Variants in BRIP1 observed in about 807,000 individuals in gnomAD.
BRIP1 encodes the protein BRCA1 interacting DNA helicase 1.
A neutral mutation model predicts 119.7 loss-of-function variants in BRIP1; 88 were observed. The observed-to-expected ratio is 0.74, with a 90% CI of 0.62 to 0.88. The LOEUF is 0.88. BRIP1 is among the 40% of genes least tolerant of loss of function. BRIP1 has a pLI of 0.00. For synonymous variants in BRIP1, 443 were observed against 496.5 expected (o/e 0.89, Z 1.43); for missense variants, 1,259 against 1,455.4 (o/e 0.87, Z 2.20).
At position 61,774,158 on chromosome 17, in the gene BRIP1, C is replaced by T. The variant is rs916017277; in HGVS notation, c.2097+2243G>A. Among the ~76,000 whole-genome samples, 1 of 152,092 alleles carries T rather than the reference C, an allele frequency of 6.6e-6. No individual in the cohort carries two copies. The highest frequency in any genetic ancestry group is 1.5e-5 in the Non-Finnish European group (1 of 68,006). The stretch of plus-strand genomic sequence containing the variant: ...ATACGTATATTTATTGCAGCCTATT[C>T]ACAATAGCAAAGACTTGGAACCAAC... On this transcript the variant is annotated intron_variant, in intron 14 of 19. Coordinates refer to ENST00000259008, the MANE Select transcript of BRIP1 (RefSeq NM_032043.3). This position sits in a 1 kb window ranked among gnomAD's most constrained non-coding sequence, Gnocchi z 5.8.
At chr17:61,785,002 T>G (rs2077684346) in intron 10 of BRIP1, among the ~76,000 whole-genome samples, 1 of 152,170 alleles carries the variant, frequency 6.6e-6, no homozygotes, top group Admixed American at 6.5e-5. Flanking sequence ...GATTGCCATA[T>G]TAGCAAAATT....
rs998081204 is a variant in BRIP1, at chr17:61,825,224, G to A, written c.628-16467C>T. Among the ~76,000 whole-genome samples the A allele has an allele frequency of 1.3e-5, 2 of 151,886 alleles. No homozygotes were observed. The highest frequency in any genetic ancestry group is 2.9e-5 in the Non-Finnish European group (2 of 67,982). ...GGCGTGAACCTGGGAGGCGGAGCTT[G>A]CAGTGACCCAAGATTGTGCCACTGC... On this transcript the variant is annotated intron_variant, in intron 6 of 19. Coordinates refer to ENST00000259008, the MANE Select transcript of BRIP1 (RefSeq NM_032043.3). The surrounding 1 kb of genome is among the most constrained non-coding windows in gnomAD (Gnocchi z 4.1).
Position 61,793,740 on chromosome 17 carries a change from A to G in BRIP1, c.1341-11T>C. The G allele has an allele frequency of 1.2e-6, 2 of 1,607,240 alleles. No individual in the cohort carries two copies. Among genetic ancestry groups the G allele is most frequent in the Non-Finnish European group, 1.7e-6 (2 of 1,178,002 alleles). Reference sequence around the variant, plus strand: ...TTTGCTTCTAACCAACTGAAATAAAATAAAACAATTGTGTCAACCAGTATC... The same window carrying G: ...TTTGCTTCTAACCAACTGAAATAAAGTAAAACAATTGTGTCAACCAGTATC... On this transcript the variant is annotated splice_polypyrimidine_tract_variant and intron_variant, in intron 9 of 19. Coordinates refer to ENST00000259008, the MANE Select transcript of BRIP1 (RefSeq NM_032043.3). The surrounding 1 kb of genome is among the most constrained non-coding windows in gnomAD (Gnocchi z 5.2).
Position 61,704,847 on chromosome 17 carries a change from G to A in BRIP1, c.2492+11104C>T, listed in dbSNP as rs963940807. ...TCTTTTATTCCTGATATTAGTAACT[G>A]TGGCTTCTCTTTTTTTTCTTTGTTA... On this transcript the variant is annotated intron_variant, in intron 17 of 19. Transcript: ENST00000259008. The surrounding 1 kb of genome is among the most constrained non-coding windows in gnomAD (Gnocchi z 5.7). Among the ~76,000 whole-genome samples the A allele has an allele frequency of 6.6e-6, 1 of 152,060 alleles. No individual in the cohort carries two copies. The highest frequency in any genetic ancestry group is 2.4e-5 in the African/African-American group (1 of 41,418).
Position 61,860,337 on chromosome 17 carries a change from C to A in BRIP1, c.94-430G>T, listed in dbSNP as rs1038623436. Among the ~76,000 whole-genome samples the A allele has an allele frequency of 2.0e-5, 3 of 152,184 alleles. No homozygotes were observed. Among genetic ancestry groups the A allele is most frequent in the Non-Finnish European group, 4.4e-5 (3 of 68,016 alleles). ...GCAAGTCCAGTTCTATGTGTACACC[C>A]AAAACCTTTCCCACATGAACACAAG... On this transcript the variant is annotated intron_variant, in intron 2 of 19. Transcript: ENST00000259008. The surrounding 1 kb of genome is among the most constrained non-coding windows in gnomAD (Gnocchi z 4.1).
At position 61,804,973 on chromosome 17, in the gene BRIP1, T is replaced by C. The variant is rs1250038372; in HGVS notation, c.918+3494A>G. Among the ~76,000 whole-genome samples, 1 of 150,762 alleles carries C rather than the reference T, an allele frequency of 6.6e-6. No homozygotes were observed. The highest frequency in any genetic ancestry group is 1.5e-5 in the Non-Finnish European group (1 of 67,492). Reference sequence around the variant, plus strand: ...CTCTTTCTGTGTGTGTGTGTGTGTGTGTGTGTGTGTGTGTGTGTGTGTGTG... The same window carrying C: ...CTCTTTCTGTGTGTGTGTGTGTGTGCGTGTGTGTGTGTGTGTGTGTGTGTG... On this transcript the variant is annotated intron_variant, in intron 7 of 19. Transcript: ENST00000259008. The surrounding 1 kb of genome is among the most constrained non-coding windows in gnomAD (Gnocchi z 4.5).
In BRIP1 at chr17:61,804,625, G is replaced by A. The variant is rs1209258871; in HGVS notation, c.919-3151C>T. Among the ~76,000 whole-genome samples the A allele has an allele frequency of 6.6e-6, 1 of 151,944 alleles. No homozygotes were observed. Among genetic ancestry groups the A allele is most frequent in the Admixed American group, 6.6e-5 (1 of 15,260 alleles). ...GCCAGTCTTGAACTCCTGACCTCAAGTGCCCACCTCAGCCTCCCAGAGTGC... is the reference window on the plus strand; with the variant it reads ...GCCAGTCTTGAACTCCTGACCTCAAATGCCCACCTCAGCCTCCCAGAGTGC... On this transcript the variant is annotated intron_variant, in intron 7 of 19. Coordinates refer to ENST00000259008, the MANE Select transcript of BRIP1 (RefSeq NM_032043.3). This position sits in a 1 kb window ranked among gnomAD's most constrained non-coding sequence, Gnocchi z 4.5.
In BRIP1 at chr17:61,709,107, A is replaced by G. The variant is rs1389256922; in HGVS notation, c.2492+6844T>C. On this transcript the variant is annotated intron_variant, in intron 17 of 19. Coordinates refer to ENST00000259008, the MANE Select transcript of BRIP1 (RefSeq NM_032043.3). The surrounding 1 kb of genome is among the most constrained non-coding windows in gnomAD (Gnocchi z 5.0). ...TTGCAACCAAGCCACCTGTTTTTAAACCTTACTTTCATTGACATTTTAGAT... is the reference window on the plus strand; with the variant it reads ...TTGCAACCAAGCCACCTGTTTTTAAGCCTTACTTTCATTGACATTTTAGAT... 6.6e-6 allele frequency among the ~76,000 whole-genome samples: 1 copy of G among 152,134 alleles called. No homozygotes were observed. Among genetic ancestry groups the G allele is most frequent in the Non-Finnish European group, 1.5e-5 (1 of 68,026 alleles).
chr17:61,771,392 G>A lies in BRIP1; in HGVS notation c.2097+5009C>T, dbSNP rs141950697. Among the ~76,000 whole-genome samples the A allele has an allele frequency of 2.6e-3, 399 of 152,220 alleles. 1 individual carries two copies. Among genetic ancestry groups the A allele is most frequent in the Middle Eastern group, 0.01 (3 of 294 alleles). On this transcript the variant is annotated intron_variant, in intron 14 of 19. Transcript: ENST00000259008. ...TAAAAATGACTCAATGCAAAAATGC[G>A]CAAAGAATTTGAATAGGCATTTCTC...
At position 61,849,239 on chromosome 17, in the gene BRIP1, T is replaced by C. The variant is rs764256720; in HGVS notation, c.397A>G (p.Thr133Ala). 1 of 1,613,102 alleles carries C rather than the reference T, an allele frequency of 6.2e-7. No homozygotes were observed. The highest frequency in any genetic ancestry group is 8.5e-7 in the Non-Finnish European group (1 of 1,179,378). ...TTAGCAGATAACTTTGCAGCCAGAG[T>C]GGTTTTTTCAGGGGAGTCTTATATA... ...STCQDSPEKTTLAAKLSAKKQ... is the reference protein window; with the variant it reads ...STCQDSPEKTALAAKLSAKKQ... The change falls in exon 5 of 20, where the codon ACT becomes GCT. Residue 133 changes from threonine (T) to alanine (A), a missense_variant. Physicochemically the swap from Thr to Ala is moderately conservative, Grantham distance 58. Coordinates refer to ENST00000259008, the MANE Select transcript of BRIP1 (RefSeq NM_032043.3).
intron 10 of BRIP1, among the ~76,000 whole-genome samples, chr17:61,785,462 A>T (rs912549564): frequency 6.6e-6 from 1 of 152,226 alleles, no homozygotes; most frequent in Admixed American, 6.5e-5. Flanking sequence ...AATGTGTTCA[A>T]TGAAAATAAA....
rs192808776 is a variant in BRIP1, at chr17:61,805,250, C to G, written c.918+3217G>C. On this transcript the variant is annotated intron_variant, in intron 7 of 19. Coordinates refer to ENST00000259008, the MANE Select transcript of BRIP1 (RefSeq NM_032043.3). The surrounding 1 kb of genome is among the most constrained non-coding windows in gnomAD (Gnocchi z 5.6). ...AATGTCAGCAAATCAAAGGACAAGA[C>G]ATGAATAGCTGAGGACCAGTTCTCC... is the stretch of plus-strand genomic sequence containing the variant. 9.2e-5 allele frequency among the ~76,000 whole-genome samples: 14 copies of G among 152,152 alleles called. No individual in the cohort carries two copies. The highest frequency in any genetic ancestry group is 3.1e-4 in the African/African-American group (13 of 41,522).
intron 16 of BRIP1, among the ~76,000 whole-genome samples, chr17:61,723,733 A>G (rs2062019997): frequency 6.6e-6 from 1 of 152,162 alleles, no homozygotes; most frequent in Non-Finnish European, 1.5e-5. Context: ...CTTTTTGGAA[A>G]CAGTTAAACT....
At position 61,825,496 on chromosome 17, in the gene BRIP1, T is replaced by C. The variant is rs930254010; in HGVS notation, c.628-16739A>G. 6.6e-6 allele frequency among the ~76,000 whole-genome samples: 1 copy of C among 151,786 alleles called. No homozygotes were observed. Among genetic ancestry groups the C allele is most frequent in the East Asian group, 1.9e-4 (1 of 5,186 alleles). ...AACTCCACAGTCTCAGCCCAAAACC[T>C]CCTTAAGCTGATAAACAACTTGTCA... On this transcript the variant is annotated intron_variant, in intron 6 of 19. Coordinates refer to ENST00000259008, the MANE Select transcript of BRIP1 (RefSeq NM_032043.3). The surrounding 1 kb of genome is among the most constrained non-coding windows in gnomAD (Gnocchi z 4.1).
At chr17:61,838,111 T>A (rs2078601587) in intron 6 of BRIP1, among the ~76,000 whole-genome samples, 1 of 152,184 alleles carries the variant, frequency 6.6e-6, no homozygotes, top group Admixed American at 6.5e-5. Flanking sequence ...TTGAAAAACG[T>A]GAAGACTAAG....
chr17:61,697,279 G>A lies in BRIP1; in HGVS notation c.2493-3767C>T, dbSNP rs1265854494. Among the ~76,000 whole-genome samples the A allele has an allele frequency of 2.3e-5, 3 of 133,002 alleles. No individual in the cohort carries two copies. In the East Asian group the frequency reaches 7.2e-4, roughly 32 times the overall value. 87.3% of individuals were successfully genotyped at this position (133,002 alleles called of 152,430 possible). On this transcript the variant is annotated intron_variant, in intron 17 of 19. Coordinates refer to ENST00000259008, the MANE Select transcript of BRIP1 (RefSeq NM_032043.3). ...TTGAACCTGGGAGGCAGAGGTTGCA[G>A]TGAGCCGAGATCATGCCATTGCACT...
Position 61,679,638 on chromosome 17 carries a change from C to T in BRIP1, c.*3658G>A, listed in dbSNP as rs1231177770. On this transcript the variant is annotated 3_prime_UTR_variant, in exon 20 of 20. Coordinates refer to ENST00000259008, the MANE Select transcript of BRIP1 (RefSeq NM_032043.3). This position sits in a 1 kb window ranked among gnomAD's most constrained non-coding sequence, Gnocchi z 4.4. ...CCTCAAATCTTTATTGTCAGTCTAT[C>T]ACCTATATATCTATAGTTAGGGAAG... Among the ~76,000 whole-genome samples the T allele has an allele frequency of 6.6e-6, 1 of 152,178 alleles. No homozygotes were observed. The highest frequency in any genetic ancestry group is 6.5e-5 in the Admixed American group (1 of 15,278).
chr17:61,841,355 G>GA lies in BRIP1; in HGVS notation c.627+5745_627+5746insT, dbSNP rs2078654657. Among the ~76,000 whole-genome samples the GA allele has an allele frequency of 6.8e-6, 1 of 146,602 alleles. No homozygotes were observed. The highest frequency in any genetic ancestry group is 2.5e-5 in the African/African-American group (1 of 39,752). ...TCCAGAATATACAAGGAACTCAACA[G>GA]CAAAAAAAAAAAAATCTGATTTTAA... On this transcript the variant is annotated intron_variant, in intron 6 of 19. Transcript: ENST00000259008. The surrounding 1 kb of genome is among the most constrained non-coding windows in gnomAD (Gnocchi z 4.1).
rs1454655703 is a variant in BRIP1, at chr17:61,680,260, G to A, written c.*3036C>T. On this transcript the variant is annotated 3_prime_UTR_variant, in exon 20 of 20. Coordinates refer to ENST00000259008, the MANE Select transcript of BRIP1 (RefSeq NM_032043.3). ...CCAGCTACGCAGGAGGCTGAGACAT[G>A]AGAATCGCTTTAACCTGCGAGGCAG... 6.6e-6 allele frequency among the ~76,000 whole-genome samples: 1 copy of A among 151,480 alleles called. No individual in the cohort carries two copies. Among genetic ancestry groups the A allele is most frequent in the East Asian group, 2.0e-4 (1 of 5,108 alleles).
Sources: gnomAD v4.1 joint callset for allele counts (sites outside exome capture counted in the v4.1 genomes callset) on GRCh38, gnomAD v4.1.1 for gene constraint, Gnocchi (gnomAD v3.1) non-coding constraint, MANE v1.5 for transcripts, NCBI Gene and HGNC (gene_info 2026-07-23, HGNC 2026-07-21) for gene names.